KCNN2: variants seen among roughly 807,000 people sequenced by gnomAD.
KCNN2 encodes small conductance calcium-activated potassium channel protein 2.
A neutral mutation model predicts 55.5 loss-of-function variants in KCNN2; 24 were observed. The observed-to-expected ratio is 0.43, with a 90% CI of 0.31 to 0.61. The LOEUF (loss-of-function observed/expected upper bound fraction) is 0.61. Among genes scored for constraint, KCNN2 ranks in the 20% least tolerant of loss-of-function variants. The pLI is 0.08. For missense variants in KCNN2, 754 were observed against 853.6 expected (o/e 0.88, Z 1.45); for synonymous variants, 431 against 336.1 (o/e 1.28, Z -3.09).
chr5:114,183,395 C>T (rs545425327), intron 1 of KCNN2, among the ~76,000 whole-genome samples: 5 of 152,084 alleles, frequency 3.3e-5, no homozygotes, highest in African/African-American at 1.2e-4. Context: ...TTCCCACTTT[C>T]CTGTTTTATG....
At chr5:114,305,053 C>A (rs762504612) in intron 2 of KCNN2, among the ~76,000 whole-genome samples, 1 of 151,992 alleles carries the variant, frequency 6.6e-6, no homozygotes, top group Admixed American at 6.6e-5. Flanking sequence ...ATAATTTGAA[C>A]AGGGAAAGTT....
chr5:114,226,031 A>G lies in KCNN2; in HGVS notation c.-185+4466A>G, dbSNP rs185566244. ...AGAACTATCCGGGACTAAAATCCCCAAAGATCTCACAGAAGAAACAGTGAG... is the reference window on the plus strand; with the variant it reads ...AGAACTATCCGGGACTAAAATCCCCGAAGATCTCACAGAAGAAACAGTGAG... On this transcript the variant is annotated intron_variant, in intron 2 of 10. Coordinates refer to the KCNN2 transcript ENST00000512097. Among the ~76,000 whole-genome samples the G allele has an allele frequency of 1.2e-4, 19 of 152,374 alleles. 1 individual carries two copies. The East Asian group carries it at 3.7e-3, about 29-fold the overall frequency.
At chr5:114,279,768 G>T (rs71588749) in intron 2 of KCNN2, among the ~76,000 whole-genome samples, 11 of 150,676 alleles carry the variant, frequency 7.3e-5, no homozygotes, top group African/African-American at 2.4e-4. Context: ...ATATGTGTGC[G>T]TGTGTCTTTA....
At chr5:114,129,460 G>A (rs1227273534) in intron 1 of KCNN2, among the ~76,000 whole-genome samples, 2 of 152,174 alleles carry the variant, frequency 1.3e-5, no homozygotes, top group Admixed American at 1.3e-4. Context: ...AAGAAAAAGG[G>A]AAAGAGAGTT....
At chr5:114,278,505 C>G (rs568188098) in intron 2 of KCNN2, among the ~76,000 whole-genome samples, 1 of 152,374 alleles carries the variant, frequency 6.6e-6, no homozygotes, top group South Asian at 2.1e-4. Context: ...GTGGGCTCCG[C>G]CCAGTTCAAG....
chr5:114,136,605 T>C (rs1359650890), intron 1 of KCNN2, among the ~76,000 whole-genome samples: 1 of 152,150 alleles, frequency 6.6e-6, no homozygotes, highest in Non-Finnish European at 1.5e-5. Flanking sequence ...TCATAAGCCT[T>C]TTAGAATAAT....
At chr5:114,198,929 A>T (rs574383764) in intron 1 of KCNN2, among the ~76,000 whole-genome samples, 4 of 152,218 alleles carry the variant, frequency 2.6e-5, no homozygotes, top group African/African-American at 7.2e-5. Context: ...TGTTCTGTAA[A>T]TGTCTGTTAA....
chr5:114,339,693 C>G (rs1756982092), intron 2 of KCNN2, among the ~76,000 whole-genome samples: 1 of 151,868 alleles, frequency 6.6e-6, no homozygotes, highest in African/African-American at 2.4e-5. Context: ...GTCCCAGCTA[C>G]TTGAAAGGCT....
intron 5 of KCNN2, among the ~76,000 whole-genome samples, chr5:114,484,551 T>C (rs921852874): frequency 2.0e-5 from 3 of 152,168 alleles, no homozygotes; most frequent in Non-Finnish European, 2.9e-5. Context: ...CAACTCCCCA[T>C]TGTTCAAATG....
At chr5:114,465,439 C>CTT (rs1258466747) in intron 4 of KCNN2, among the ~76,000 whole-genome samples, 1 of 152,032 alleles carries the variant, frequency 6.6e-6, no homozygotes, top group Non-Finnish European at 1.5e-5. Context: ...ATGGAGAAAC[C>CTT]CCCTCTCTAC....
At chr5:114,369,407 G>A (rs1757697871) in intron 2 of KCNN2, among the ~76,000 whole-genome samples, 1 of 152,142 alleles carries the variant, frequency 6.6e-6, no homozygotes, top group African/African-American at 2.4e-5. Context: ...AAAAAATTTT[G>A]GAGGAGGTTG....
chr5:114,449,227 C>A (rs1332531049), intron 3 of KCNN2, among the ~76,000 whole-genome samples: 1 of 152,106 alleles, frequency 6.6e-6, no homozygotes, highest in Non-Finnish European at 1.5e-5. Context: ...TCCTCTCCCT[C>A]CTCTCCTTCT....
chr5:114,327,700 C>T (rs1212090537), intron 2 of KCNN2, among the ~76,000 whole-genome samples: 1 of 152,174 alleles, frequency 6.6e-6, no homozygotes, highest in Non-Finnish European at 1.5e-5. Context: ...GTGTTTCAGT[C>T]TGTGCTTTCT....
intron 1 of KCNN2, among the ~76,000 whole-genome samples, chr5:114,120,688 C>T (rs1751809419): frequency 6.6e-6 from 1 of 152,076 alleles, no homozygotes; most frequent in African/African-American, 2.4e-5. Flanking sequence ...GATGGGGAGG[C>T]AACATGGTAA....
At chr5:114,194,182 G>T (rs903049187) in intron 1 of KCNN2, among the ~76,000 whole-genome samples, 7 of 151,988 alleles carry the variant, frequency 4.6e-5, no homozygotes, top group Non-Finnish European at 1.0e-4. Flanking sequence ...TTTTTGTGTA[G>T]ACATATGTTT....
intron 1 of KCNN2, among the ~76,000 whole-genome samples, chr5:114,217,754 G>A (rs116018174): frequency 0.018 from 2,764 of 152,106 alleles, 78 homozygotes; most frequent in African/African-American, 0.062. Context: ...TGATAAGCTG[G>A]ACTTCATTAA....
At chr5:114,342,526 C>G (rs1757035336) in intron 2 of KCNN2, among the ~76,000 whole-genome samples, 1 of 152,100 alleles carries the variant, frequency 6.6e-6, no homozygotes, top group African/African-American at 2.4e-5. Flanking sequence ...GACTTTAGAT[C>G]ACCAACATTT....
intron 2 of KCNN2, among the ~76,000 whole-genome samples, chr5:114,324,860 A>G (rs1177565296): frequency 6.6e-6 from 1 of 152,186 alleles, no homozygotes; most frequent in Non-Finnish European, 1.5e-5. Flanking sequence ...TATGGATGTT[A>G]ATGGCTCTGC....
intron 3 of KCNN2, among the ~76,000 whole-genome samples, chr5:114,422,204 A>C (rs1202140906): frequency 6.6e-6 from 1 of 152,216 alleles, no homozygotes; most frequent in Admixed American, 6.5e-5. Flanking sequence ...TTACTGCTAT[A>C]GATTAAATTT....
Sources: gnomAD v4.1 joint callset for allele counts (sites outside exome capture counted in the v4.1 genomes callset) on GRCh38, gnomAD v4.1.1 for gene constraint, MANE v1.5 for transcripts, NCBI Gene and HGNC (gene_info 2026-07-23, HGNC 2026-07-21) for gene names.